UTRN: variants seen among roughly 807,000 people sequenced by gnomAD.
UTRN encodes the protein dystrophin-related protein 1.
Under a neutral mutation model 463.9 loss-of-function variants are expected in UTRN, and 283 were observed. The ratio of observed to expected loss-of-function variants is 0.61; its 90% CI spans 0.55 to 0.67. The LOEUF (loss-of-function observed/expected upper bound fraction) is 0.67, where lower values mean the gene tolerates loss of function less well. UTRN is among the 30% of genes least tolerant of loss of function. The probability of loss-of-function intolerance (pLI) is 0.00; values close to 1 mark genes in which losing one functional copy is unlikely to be tolerated. For synonymous variants in UTRN, 1,442 were observed against 1,431.5 expected, an observed-to-expected ratio of 1.01 and a Z score of -0.17; for missense variants, 3,922 against 4,084.3, an observed-to-expected ratio of 0.96 and a Z score of 1.08.
chr6:144,393,506 A>G (rs1782122811), intron 2 of UTRN, among the ~76,000 whole-genome samples: 1 of 152,208 alleles, frequency 6.6e-6, no homozygotes, highest in Admixed American at 6.5e-5. Context: ...GAAACGATGG[A>G]AAAAGGCAAT....
intron 53 of UTRN, chr6:144,706,945 A>C (rs1176969241): frequency 6.6e-6 from 1 of 152,182 alleles, no homozygotes; most frequent in Non-Finnish European, 1.5e-5. Flanking sequence ...CTATACTGTA[A>C]ACATTATTTG....
intron 2 of UTRN, among the ~76,000 whole-genome samples, chr6:144,366,959 G>A (rs1334040150): frequency 6.6e-6 from 1 of 151,934 alleles, no homozygotes; most frequent in Non-Finnish European, 1.5e-5. Flanking sequence ...ATGTGAGATG[G>A]TATCTCTACT....
Position 144,614,101 on chromosome 6 carries a change from TTGGTTTGCC to T in UTRN, c.7479+36816_7479+36824del, listed in dbSNP as rs528156561. ...ACTCAACACTAGAAGTCTCAGCAGC[TTGGTTTGCC>T]TGTCATTAATTTTACCAATGGTTGC... On this transcript the variant is annotated intron_variant, in intron 51 of 74. Coordinates refer to ENST00000367545, the MANE Select transcript of UTRN (RefSeq NM_007124.3). Among the ~76,000 whole-genome samples the T allele has an allele frequency of 3.1e-3, 478 of 152,156 alleles. 12 individuals are homozygous for T. The highest frequency in any genetic ancestry group is 0.02 in the Middle Eastern group (6 of 294).
intron 1 of UTRN, among the ~76,000 whole-genome samples, chr6:144,290,177 A>G (rs1804084947): frequency 6.6e-6 from 1 of 152,250 alleles, no homozygotes; most frequent in Non-Finnish European, 1.5e-5. Flanking sequence ...CAACAATACC[A>G]TAATTAATGT....
In UTRN at chr6:144,461,179, A is replaced by G; in HGVS notation, c.2708-18A>G. ...TCCTAATATGATTTTTTCAAACTAAATATTTTTAAATAAACAGAACTGAAG... is the reference window on the plus strand; with the variant it reads ...TCCTAATATGATTTTTTCAAACTAAGTATTTTTAAATAAACAGAACTGAAG... On this transcript the variant is annotated intron_variant, in intron 21 of 74. Transcript: ENST00000367545. 1.9e-6 allele frequency: 3 copies of G among 1,548,120 alleles called. No homozygotes were observed.
At chr6:144,414,418 A>G (rs1784194192) in intron 3 of UTRN, among the ~76,000 whole-genome samples, 1 of 152,226 alleles carries the variant, frequency 6.6e-6, no homozygotes, top group South Asian at 2.1e-4. Flanking sequence ...TAAGGACAAA[A>G]TGAAACAGAA....
At chr6:144,738,335 A>G (rs1015623480) in intron 54 of UTRN, among the ~76,000 whole-genome samples, 2 of 152,222 alleles carry the variant, frequency 1.3e-5, no homozygotes, top group South Asian at 2.1e-4. Flanking sequence ...ACTGCTGCAC[A>G]GTGAAGCTGT....
intron 58 of UTRN, among the ~76,000 whole-genome samples, chr6:144,770,069 T>C (rs1173384163): frequency 6.6e-6 from 1 of 152,186 alleles, no homozygotes; most frequent in East Asian, 1.9e-4. Flanking sequence ...TGGTGTTCAG[T>C]AGTGGACCAT....
chr6:144,702,343 T>C (rs562888145), intron 53 of UTRN, among the ~76,000 whole-genome samples: 6 of 152,320 alleles, frequency 3.9e-5, no homozygotes, highest in African/African-American at 1.4e-4. Flanking sequence ...CTTCAGTCCT[T>C]GAGACCTAAG....
chr6:144,664,687 A>T (rs1780207885), intron 51 of UTRN, among the ~76,000 whole-genome samples: 1 of 151,926 alleles, frequency 6.6e-6, no homozygotes, highest in Admixed American at 6.6e-5. Flanking sequence ...GATTCAATAG[A>T]GTGATTAAAA....
intron 19 of UTRN, among the ~76,000 whole-genome samples, chr6:144,456,369 G>A (rs372837813): frequency 2.0e-5 from 3 of 152,004 alleles, no homozygotes; most frequent in East Asian, 3.9e-4. Context: ...ATAAAATAGC[G>A]TGAGGCTGGG....
chr6:144,543,210 A>G (rs1207238719), intron 46 of UTRN, among the ~76,000 whole-genome samples: 5 of 152,184 alleles, frequency 3.3e-5, no homozygotes, highest in African/African-American at 1.2e-4. Context: ...TCAGGAAATC[A>G]GCTATAACTT....
Position 144,771,917 on chromosome 6 carries a change from C to G in UTRN, c.8506C>G (p.Gln2836Glu), listed in dbSNP as rs780704091. 3 of 1,572,326 alleles carry G rather than the reference C, an allele frequency of 1.9e-6. No homozygotes were observed. In the East Asian group the frequency reaches 6.9e-5, roughly 36 times the overall value. Residue 2836 changes from glutamine (Q) to glutamate (E), a missense_variant, in exon 59 of 75, where the codon CAG becomes GAG. Transcript: ENST00000367545. ...ACCTTTTTTTTCCAGCCATCAAACA[C>G]AGACCACCTGTTGGGACCATCCTAA... ...KVPYYINHQT[Q>E]TTCWDHPKMT...
chr6:144,849,144 G>A (rs1044847493), intron 74 of UTRN, among the ~76,000 whole-genome samples: 11 of 152,086 alleles, frequency 7.2e-5, no homozygotes, highest in African/African-American at 1.9e-4. Flanking sequence ...CGGATCACAG[G>A]CCACATGACC....
At chr6:144,430,054 CTGTCA>C (rs1785656818) in intron 9 of UTRN, among the ~76,000 whole-genome samples, 1 of 152,104 alleles carries the variant, frequency 6.6e-6, no homozygotes, top group Non-Finnish European at 1.5e-5. Flanking sequence ...GCTTTTATTT[CTGTCA>C]TGTGCTAAAG....
In UTRN at chr6:144,554,644, G is replaced by A. The variant is rs1775610503; in HGVS notation, c.6929-44G>A. 3 of 1,600,618 alleles carry A rather than the reference G, an allele frequency of 1.9e-6. No homozygotes were observed. In the Admixed American group the frequency reaches 5.1e-5, roughly 27 times the overall value. On this transcript the variant is annotated intron_variant, in intron 48 of 74. Transcript: ENST00000367545. ...ATGATATTTTTTCTTTCTCCTGAGG[G>A]TTACATGTTGGGATTTTTTTTTCTT...
At chr6:144,556,911 GAA>G (rs1268838702) in intron 49 of UTRN, among the ~76,000 whole-genome samples, 1 of 152,206 alleles carries the variant, frequency 6.6e-6, no homozygotes, top group Non-Finnish European at 1.5e-5. Flanking sequence ...ATCTCAAAAA[GAA>G]AATGATAATA....
At chr6:144,321,328 C>A (rs528358614) in intron 2 of UTRN, among the ~76,000 whole-genome samples, 1 of 152,160 alleles carries the variant, frequency 6.6e-6, no homozygotes, top group South Asian at 2.1e-4. Flanking sequence ...CTCACAATAA[C>A]CCTATAAAAG....
intron 51 of UTRN, among the ~76,000 whole-genome samples, chr6:144,658,734 T>C (rs1779575285): frequency 6.6e-6 from 1 of 152,250 alleles, no homozygotes; most frequent in Non-Finnish European, 1.5e-5. Flanking sequence ...TGTATAGCTA[T>C]GTAATGCAAA....
Sources: allele counts gnomAD v4.1 joint callset (sites outside exome capture counted in the v4.1 genomes callset), GRCh38; gene constraint gnomAD v4.1.1; transcripts MANE v1.5; gene names NCBI Gene and HGNC (gene_info 2026-07-23, HGNC 2026-07-21).